INPP4B: variants seen among roughly 807,000 people sequenced by gnomAD.
INPP4B encodes the protein inositol polyphosphate-4-phosphatase type II B.
Under a neutral mutation model 122.5 loss-of-function variants are expected in INPP4B, and 55 were observed. The ratio of observed to expected loss-of-function variants is 0.45; its 90% CI spans 0.36 to 0.56. The LOEUF (loss-of-function observed/expected upper bound fraction) is 0.56. Ranked by LOEUF, INPP4B falls within the 20% of genes least tolerant of loss-of-function variation. The probability of loss-of-function intolerance (pLI) is 0.00; values close to 1 mark genes in which losing one functional copy is unlikely to be tolerated. For synonymous variants in INPP4B, 403 were observed against 388.7 expected, an observed-to-expected ratio of 1.04 and a Z score of -0.43; for missense variants, 1,000 against 1,097.7, an observed-to-expected ratio of 0.91 and a Z score of 1.26.
At chr4:142,808,670 A>G (rs955754239) in intron 1 of INPP4B, among the ~76,000 whole-genome samples, 1 of 152,210 alleles carries the variant, frequency 6.6e-6, no homozygotes, top group Non-Finnish European at 1.5e-5. Context: ...ATAAGTCCCT[A>G]TCATTCTCTA....
At chr4:142,456,400 T>A (rs1815430138) in intron 3 of INPP4B, among the ~76,000 whole-genome samples, 1 of 152,100 alleles carries the variant, frequency 6.6e-6, no homozygotes, top group Non-Finnish European at 1.5e-5. Context: ...CCACAGTGTA[T>A]GTTCTTGACA....
chr4:142,453,353 A>G (rs1007418310), intron 3 of INPP4B, among the ~76,000 whole-genome samples: 6 of 152,186 alleles, frequency 3.9e-5, no homozygotes, highest in Non-Finnish European at 8.8e-5. Context: ...ATCACAAATT[A>G]TTAATTCCTA....
At chr4:142,460,824 T>C (rs1054579306) in intron 3 of INPP4B, among the ~76,000 whole-genome samples, 3 of 147,708 alleles carry the variant, frequency 2.0e-5, no homozygotes, top group Non-Finnish European at 4.5e-5. Flanking sequence ...TAAGCATAAG[T>C]CAACTCTGGG....
At chr4:142,337,745 T>TTATATATTTTA (rs1367078764) in intron 7 of INPP4B, among the ~76,000 whole-genome samples, 1 of 131,338 alleles carries the variant, frequency 7.6e-6, no homozygotes, top group Non-Finnish European at 1.6e-5. Context: ...TTTATATATA[T>TTATATATTTTA]TATATATTTT....
chr4:142,115,569 T>C (rs1792785331), intron 21 of INPP4B, among the ~76,000 whole-genome samples: 1 of 152,136 alleles, frequency 6.6e-6, no homozygotes, highest in African/African-American at 2.4e-5. Flanking sequence ...CTAAGCTTCA[T>C]AAGTGGAGGA....
At chr4:142,333,625 T>A (rs1775521157) in intron 7 of INPP4B, among the ~76,000 whole-genome samples, 1 of 152,198 alleles carries the variant, frequency 6.6e-6, no homozygotes, top group Non-Finnish European at 1.5e-5. Flanking sequence ...AACTGGATGG[T>A]CTTGTCTTTA....
At chr4:142,143,026 C>T (rs1267757737) in intron 18 of INPP4B, among the ~76,000 whole-genome samples, 1 of 152,048 alleles carries the variant, frequency 6.6e-6, no homozygotes, top group Non-Finnish European at 1.5e-5. Context: ...GGCCCCATGT[C>T]TCTCAATCTT....
intron 18 of INPP4B, among the ~76,000 whole-genome samples, chr4:142,131,770 A>G (rs747754450): frequency 6.6e-6 from 1 of 152,162 alleles, no homozygotes; most frequent in Non-Finnish European, 1.5e-5. Flanking sequence ...AGCCTGACCA[A>G]TGTGGAGAAA....
intron 2 of INPP4B, among the ~76,000 whole-genome samples, chr4:142,630,798 C>A (rs1325754448): frequency 6.6e-6 from 1 of 152,010 alleles, no homozygotes; most frequent in Non-Finnish European, 1.5e-5. Context: ...ACCTACTATG[C>A]TGAGGTGGTA....
intron 2 of INPP4B, among the ~76,000 whole-genome samples, chr4:142,608,060 T>A (rs746254309): frequency 2.3e-4 from 35 of 152,178 alleles, no homozygotes; most frequent in Admixed American, 5.9e-4. Flanking sequence ...ACTGCTATAT[T>A]TTCAGAGCAC....
intron 6 of INPP4B, among the ~76,000 whole-genome samples, chr4:142,404,682 G>GT (rs1337894068): frequency 2.0e-5 from 3 of 152,010 alleles, no homozygotes; most frequent in Non-Finnish European, 1.5e-5. Context: ...GAAAAACATC[G>GT]TAAGTTGAAA....
intron 2 of INPP4B, among the ~76,000 whole-genome samples, chr4:142,564,980 C>G (rs10008043): frequency 0.016 from 2,484 of 152,232 alleles, 58 homozygotes; most frequent in African/African-American, 0.056. Context: ...CACCAATGCT[C>G]TTTTTTGGAT....
intron 2 of INPP4B, among the ~76,000 whole-genome samples, chr4:142,569,446 T>A (rs1732345526): frequency 6.6e-6 from 1 of 152,094 alleles, no homozygotes; most frequent in Non-Finnish European, 1.5e-5. Flanking sequence ...TTCATAAATG[T>A]TAAATCACTG....
intron 7 of INPP4B, among the ~76,000 whole-genome samples, chr4:142,394,634 A>T (rs968308101): frequency 5.9e-5 from 9 of 152,084 alleles, no homozygotes; most frequent in African/African-American, 2.2e-4. Context: ...ACGAATGTTT[A>T]TGCAGGTCCT....
intron 4 of INPP4B, among the ~76,000 whole-genome samples, chr4:142,429,453 A>G (rs1376324135): frequency 6.6e-6 from 1 of 152,064 alleles, no homozygotes; most frequent in African/African-American, 2.4e-5. Flanking sequence ...ATGGTTATAA[A>G]GAAACCAAGA....
chr4:142,072,266 C>T (rs913442296), intron 25 of INPP4B, among the ~76,000 whole-genome samples: 4 of 151,588 alleles, frequency 2.6e-5, no homozygotes, highest in Middle Eastern at 3.2e-3. Flanking sequence ...TGTTCTCACT[C>T]GTAGGTGAGA....
At chr4:142,435,308 A>G (rs1810195503) in intron 3 of INPP4B, among the ~76,000 whole-genome samples, 1 of 152,160 alleles carries the variant, frequency 6.6e-6, no homozygotes. Context: ...AGTGCTTATC[A>G]TGACCAAAAT....
chr4:142,573,424 T>C (rs945471860), intron 2 of INPP4B, among the ~76,000 whole-genome samples: 7 of 152,060 alleles, frequency 4.6e-5, no homozygotes, highest in African/African-American at 1.7e-4. Flanking sequence ...AGACATAAAA[T>C]AGTACAGCAG....
chr4:142,596,872 C>T (rs1738827169), intron 2 of INPP4B, among the ~76,000 whole-genome samples: 1 of 152,228 alleles, frequency 6.6e-6, no homozygotes. Flanking sequence ...GCTCATATCC[C>T]TGCAGGCTTC....
Sources: gnomAD v4.1 joint callset for allele counts (sites outside exome capture counted in the v4.1 genomes callset) on GRCh38, gnomAD v4.1.1 for gene constraint, MANE v1.5 for transcripts, NCBI Gene and HGNC (gene_info 2026-07-23, HGNC 2026-07-21) for gene names.